Variants in TENM2 observed in about 807,000 individuals in gnomAD.
TENM2 encodes teneurin-2.
TENM2 carries 52 observed loss-of-function variants against 245.2 expected under a neutral mutation model. That is an observed-to-expected ratio of 0.21 (90% CI 0.17 to 0.27). The LOEUF (loss-of-function observed/expected upper bound fraction) is 0.27, where lower values mean the gene tolerates loss of function less well. TENM2 is among the 10% of genes least tolerant of loss of function. TENM2 has a pLI of 1.00. For missense variants in TENM2, 3,046 were observed against 3,666.8 expected, an observed-to-expected ratio of 0.83 and a Z score of 4.37; for synonymous variants, 1,363 against 1,438.9, an observed-to-expected ratio of 0.95 and a Z score of 1.19.
At chr5:167,088,879 C>G in the TENM2 span, among the ~76,000 whole-genome samples, 20 of 152,122 alleles carry the variant, frequency 1.3e-4, no homozygotes, top group Non-Finnish European at 2.8e-4. Context: ...AAAAGTCAAG[C>G]AGTTGACTGA....
Position 168,110,691 on chromosome 5 carries a change from G to A in TENM2, c.1814-7601G>A, listed in dbSNP as rs113429277. Reference sequence around the variant, plus strand: ...TTGATGCTCCAATTACAACAAAAGCGTAAACCTCCTTCAGTCTGGACTTGA... The same window carrying A: ...TTGATGCTCCAATTACAACAAAAGCATAAACCTCCTTCAGTCTGGACTTGA... On this transcript the variant is annotated intron_variant, in intron 9 of 28. Coordinates refer to ENST00000518659, the Ensembl canonical transcript of TENM2. 8.4e-3 allele frequency among the ~76,000 whole-genome samples: 1,281 copies of A among 152,246 alleles called. 19 individuals are homozygous for A. Among genetic ancestry groups the A allele is most frequent in the African/African-American group, 0.029 (1,207 of 41,536 alleles).
At chr5:168,097,300 G>A (rs1793445732) in intron 8 of TENM2, among the ~76,000 whole-genome samples, 1 of 152,120 alleles carries the variant, frequency 6.6e-6, no homozygotes, top group African/African-American at 2.4e-5. Flanking sequence ...TAACTGAGTG[G>A]GATGATGAAG....
At chr5:167,878,573 CTGTGTGTGTGTGTGTG>C (rs10573629) in intron 3 of TENM2, among the ~76,000 whole-genome samples, 2 of 150,020 alleles carry the variant, frequency 1.3e-5, no homozygotes, top group African/African-American at 4.9e-5. Flanking sequence ...GTGCTCACGT[CTGTGTGTGTGTGTGTG>C]TGTGTGTGTG....
exon 4 of TENM2, chr5:167,952,735 C>T: frequency 6.3e-7 from 1 of 1,597,896 alleles, no homozygotes; most frequent in Admixed American, 1.7e-5. Flanking sequence ...GCCCCGGCCC[C>T]AGCGCCCAAT....
intron 2 of TENM2, among the ~76,000 whole-genome samples, chr5:167,415,431 T>TG (rs1763115314): frequency 1.3e-5 from 2 of 152,194 alleles, no homozygotes; most frequent in South Asian, 4.1e-4. Context: ...ACATGCAAGA[T>TG]GGACTGTGAT....
chr5:167,776,604 A>G lies in TENM2; in HGVS notation c.503-99382A>G, dbSNP rs1366997642. On this transcript the variant is annotated intron_variant, in intron 2 of 28. Transcript: ENST00000518659. ...ATGAGACCCTGTCTGAAAAAAAAAA[A>G]AAAAAAAAAAAAAAAAAAAAAACCA... Among the ~76,000 whole-genome samples the G allele has an allele frequency of 4.9e-4, 44 of 90,414 alleles. 1 individual carries two copies. The highest frequency in any genetic ancestry group is 2.4e-3 in the African/African-American group (43 of 18,248). 59.3% of individuals were successfully genotyped at this position (90,414 alleles called of 152,430 possible).
At chr5:168,070,686 G>C (rs1432468508) in intron 7 of TENM2, among the ~76,000 whole-genome samples, 1 of 151,490 alleles carries the variant, frequency 6.6e-6, no homozygotes, top group African/African-American at 2.4e-5. Context: ...CTACTTGGGA[G>C]GCTGAGATGG....
chr5:168,258,604 A>G (rs1767901532), intron 27 of TENM2, among the ~76,000 whole-genome samples: 1 of 152,214 alleles, frequency 6.6e-6, no homozygotes, highest in African/African-American at 2.4e-5. Flanking sequence ...TAGAACCTTA[A>G]AAACATCATG....
the TENM2 span, among the ~76,000 whole-genome samples, chr5:167,220,506 A>G: frequency 6.6e-6 from 1 of 152,334 alleles, no homozygotes; most frequent in South Asian, 2.1e-4. Flanking sequence ...TAATAAACCT[A>G]TTAGATTATT....
At chr5:168,014,786 C>T (rs1267476833) in intron 5 of TENM2, among the ~76,000 whole-genome samples, 5 of 152,108 alleles carry the variant, frequency 3.3e-5, no homozygotes, top group African/African-American at 9.7e-5. Context: ...GGTTCCTGCC[C>T]GCAACCCCTG....
intron 2 of TENM2, among the ~76,000 whole-genome samples, chr5:167,411,606 G>A (rs10066914): frequency 0.37 from 54,971 of 147,398 alleles, 10,571 homozygotes; most frequent in Admixed American, 0.45. Context: ...GTGTGTGTGT[G>A]TGTATGTATG....
intron 2 of TENM2, among the ~76,000 whole-genome samples, chr5:167,571,102 C>A (rs1774239997): frequency 6.6e-6 from 1 of 152,140 alleles, no homozygotes. Context: ...CCATGTTATC[C>A]ATTTTTAAAA....
At chr5:167,948,621 G>T (rs984230366) in intron 3 of TENM2, among the ~76,000 whole-genome samples, 1 of 152,128 alleles carries the variant, frequency 6.6e-6, no homozygotes, top group Non-Finnish European at 1.5e-5. Flanking sequence ...GCAGTGTCAG[G>T]TCAGCACCAA....
At chr5:167,972,599 A>C (rs1781872104) in intron 4 of TENM2, among the ~76,000 whole-genome samples, 1 of 152,188 alleles carries the variant, frequency 6.6e-6, no homozygotes, top group African/African-American at 2.4e-5. Context: ...AAATTACTAG[A>C]TCAAAGGGTA....
intron 2 of TENM2, among the ~76,000 whole-genome samples, chr5:167,488,182 G>A (rs1464167564): frequency 6.6e-6 from 1 of 152,070 alleles, no homozygotes; most frequent in Admixed American, 6.5e-5. Context: ...TGTAAGCATA[G>A]TGTGTACTGC....
At chr5:167,330,964 G>A (rs1337138083) in intron 1 of TENM2, among the ~76,000 whole-genome samples, 5 of 152,052 alleles carry the variant, frequency 3.3e-5, no homozygotes, top group South Asian at 2.1e-4. Context: ...TGGGCCAGGC[G>A]TGGTGGCTCA....
At chr5:168,262,407 A>G in exon 29 of TENM2, 1 of 1,587,360 alleles carries the variant, frequency 6.3e-7, no homozygotes, top group Non-Finnish European at 8.6e-7. Flanking sequence ...ATCGGCCGCA[A>G]GGTGCTAGAG....
intron 2 of TENM2, among the ~76,000 whole-genome samples, chr5:167,765,010 A>G (rs1453589751): frequency 6.6e-6 from 1 of 152,154 alleles, no homozygotes; most frequent in Non-Finnish European, 1.5e-5. Context: ...TGAAAGGACT[A>G]CAGTCTCAGT....
intron 2 of TENM2, among the ~76,000 whole-genome samples, chr5:167,654,639 G>A (rs967508673): frequency 6.7e-6 from 1 of 149,986 alleles, no homozygotes; most frequent in African/African-American, 2.5e-5. Flanking sequence ...CTAGCATTAT[G>A]CAGTGATTGC....
Sources: allele counts gnomAD v4.1 joint callset (sites outside exome capture counted in the v4.1 genomes callset), GRCh38; gene constraint gnomAD v4.1.1; transcripts MANE v1.5; gene names NCBI Gene and HGNC (gene_info 2026-07-23, HGNC 2026-07-21).